WDR93: variants seen among roughly 807,000 people sequenced by gnomAD.
WDR93 encodes WD repeat-containing protein 93.
A neutral mutation model predicts 82.9 loss-of-function variants in WDR93; 73 were observed. The observed-to-expected ratio is 0.88, with a 90% CI of 0.73 to 1.07. WDR93 has a LOEUF of 1.07. WDR93 is among the 50% of genes least tolerant of loss of function. The pLI, the probability that WDR93 is intolerant of heterozygous loss-of-function variation, is 0.00. For synonymous variants in WDR93, 283 were observed against 300.1 expected, an observed-to-expected ratio of 0.94 and a Z score of 0.59; for missense variants, 738 against 826.0, an observed-to-expected ratio of 0.89 and a Z score of 1.31.
chr15:89,717,609 T>C (rs1480461193), intron 7 of WDR93, among the ~76,000 whole-genome samples: 2 of 152,232 alleles, frequency 1.3e-5, no homozygotes, highest in Non-Finnish European at 2.9e-5. Context: ...AATGTGTTCA[T>C]ATGGTTATAT....
chr15:89,703,892 G>A (rs977892927), intron 3 of WDR93: 2 of 152,308 alleles, frequency 1.3e-5, no homozygotes, highest in African/African-American at 4.8e-5. Flanking sequence ...CTTTCTGCAG[G>A]AGAGTGACCT....
chr15:89,721,999 TTATTC>T, intron 7 of WDR93, 51 bp from the exon 8 acceptor site: 1 of 1,180,508 alleles, frequency 8.5e-7, no homozygotes. Flanking sequence ...GTATTTTTAA[TTATTC>T]TATTTCCTCT....
intron 8 of WDR93, among the ~76,000 whole-genome samples, chr15:89,725,546 C>CTTTTTT (rs35770679): frequency 6.9e-6 from 1 of 144,960 alleles, no homozygotes; most frequent in Non-Finnish European, 1.5e-5. Context: ...TGTTCTATTT[C>CTTTTTT]TTTTTTTTTT....
chr15:89,731,567 G>A lies in WDR93; in HGVS notation c.1330+5G>A. 6.2e-7 allele frequency: 1 copy of A among 1,614,060 alleles called. No homozygotes were observed. The highest frequency in any genetic ancestry group is 8.5e-7 in the Non-Finnish European group (1 of 1,179,996). ...CGCTGTGGGACCTGGCCAAAGGTAAGTCCTCCCTGCCTCTCTACCTAGTAC... is the reference window on the plus strand; with the variant it reads ...CGCTGTGGGACCTGGCCAAAGGTAAATCCTCCCTGCCTCTCTACCTAGTAC... On this transcript the variant is annotated splice_donor_5th_base_variant and intron_variant, in intron 12 of 16. Transcript: ENST00000268130.
intron 8 of WDR93, among the ~76,000 whole-genome samples, chr15:89,725,243 T>C (rs1966687020): frequency 1.3e-5 from 2 of 152,178 alleles, no homozygotes; most frequent in Admixed American, 6.5e-5. Flanking sequence ...TGGGATACTA[T>C]ACAGCAATGA....
intron 8 of WDR93, among the ~76,000 whole-genome samples, chr15:89,726,574 T>A (rs8030916): frequency 0.42 from 64,184 of 152,046 alleles, 14,078 homozygotes; most frequent in African/African-American, 0.49. Flanking sequence ...TCCAGAAAAC[T>A]AGTCATCCAG....
chr15:89,702,993 T>C lies in WDR93; in HGVS notation c.347T>C (p.Val116Ala), dbSNP rs997897728. Residue 116 changes from valine to alanine, a missense_variant, in exon 3 of 17, where the codon GTG becomes GCG. Val to Ala is a moderately conservative substitution (Grantham distance 64). Coordinates refer to ENST00000268130, the MANE Select transcript of WDR93 (RefSeq NM_020212.2). ...PNCMAVSQDY[V>A]FIGGAKGFSI... ...TGTATGGCTGTTTCCCAAGACTATG[T>C]GTTTATTGGAGGAGCCAAAGGATTC... 2 of 1,614,064 alleles carry C rather than the reference T, an allele frequency of 1.2e-6. No individual in the cohort carries two copies. Among genetic ancestry groups the C allele is most frequent in the African/African-American group, 2.7e-5 (2 of 74,932 alleles).
intron 16 of WDR93, among the ~76,000 whole-genome samples, chr15:89,739,142 G>A (rs1967455375): frequency 6.6e-6 from 1 of 151,636 alleles, no homozygotes; most frequent in Non-Finnish European, 1.5e-5. Context: ...AGTATGTTTG[G>A]ATTATTAGAC....
intron 13 of WDR93, 118 bp downstream of exon 13, chr15:89,733,337 C>A: frequency 3.2e-6 from 3 of 934,736 alleles, no homozygotes; most frequent in Non-Finnish European, 4.7e-6. Flanking sequence ...AGTCATCACT[C>A]TCCTGGTGAG....
upstream of WDR93, chr15:89,690,538 G>C: frequency 6.6e-7 from 1 of 1,505,712 alleles, no homozygotes; most frequent in Non-Finnish European, 9.0e-7. Context: ...AGCCGAGTTA[G>C]GGCGAGAAAG....
chr15:89,703,379 C>T (rs564984350), intron 3 of WDR93: 107 of 553,716 alleles, frequency 1.9e-4, no homozygotes, highest in African/African-American at 1.9e-3. Flanking sequence ...TTTTTTATTC[C>T]TGTTCAGAAG....
chr15:89,696,554 G>A (rs1384661398), intron 1 of WDR93, among the ~76,000 whole-genome samples: 1 of 152,076 alleles, frequency 6.6e-6, no homozygotes, highest in Non-Finnish European at 1.5e-5. Flanking sequence ...GAGTACAGTG[G>A]TGTGATCATG....
At position 89,702,017 on chromosome 15, in the gene WDR93, C is replaced by T. The variant is rs753251726; in HGVS notation, c.271C>T (p.Pro91Ser). ...GGAAGCTGAGAGCAGCCAGATCCAG[C>T]CCACCGTCTACCCTCCACTTGGAGA... ...LREAESSQIQ[P>S]TVYPPLGEIQ... is the part of the protein sequence containing the mutation. The change falls in exon 2 of 17, where the codon CCC becomes TCC. Residue 91 changes from proline to serine, a missense_variant. Coordinates refer to ENST00000268130, the MANE Select transcript of WDR93 (RefSeq NM_020212.2). 6.2e-7 allele frequency: 1 copy of T among 1,612,088 alleles called. No homozygotes were observed. Among genetic ancestry groups the T allele is most frequent in the East Asian group, 2.2e-5 (1 of 44,836 alleles).
At chr15:89,742,417 C>T (rs1010834466) in intron 16 of WDR93, among the ~76,000 whole-genome samples, 12 of 148,538 alleles carry the variant, frequency 8.1e-5, no homozygotes, top group Non-Finnish European at 1.5e-4. Flanking sequence ...CACTGACAGC[C>T]CCCCCTCCAC....
At chr15:89,738,288 T>C (rs750394962) in intron 16 of WDR93, 52 bp downstream of exon 16, 24 of 1,515,148 alleles carry the variant, frequency 1.6e-5, no homozygotes, top group Non-Finnish European at 2.1e-5. Context: ...TGTCTCTGGA[T>C]TGAGGGATAG....
At chr15:89,704,488 A>G (rs1378590297) in intron 3 of WDR93, 1 of 152,250 alleles carries the variant, frequency 6.6e-6, no homozygotes, top group Non-Finnish European at 1.5e-5. Flanking sequence ...AGGAATGTTT[A>G]ATGGAAAAAC....
At chr15:89,716,324 T>G (rs1004135442) in intron 6 of WDR93, among the ~76,000 whole-genome samples, 3 of 152,226 alleles carry the variant, frequency 2.0e-5, no homozygotes, top group East Asian at 3.8e-4. Context: ...GATAATAAAT[T>G]TCTAGATTGT....
upstream of WDR93, chr15:89,690,518 T>C (rs969206047): frequency 1.8e-5 from 23 of 1,307,066 alleles, no homozygotes; most frequent in African/African-American, 2.9e-5. Flanking sequence ...TGCAGGGGAA[T>C]AGGCACGGGA....
chr15:89,738,051 A>G lies in WDR93; in HGVS notation c.1776A>G (p.Ser592=). ...CTTGTCTCGTCACAGGAGACTATTC[A>G]CATGAAACTGCGTCCACCGACGATG... is the stretch of plus-strand genomic sequence containing the variant. ...HPCFLLRGDY[S]HETASTDDAG... is the part of the protein sequence containing the mutation. The change falls in exon 16 of 17, where the codon TCA becomes TCG. Residue 592 remains serine (S), a synonymous_variant. Transcript: ENST00000268130. 6.2e-7 allele frequency: 1 copy of G among 1,610,324 alleles called. No individual in the cohort carries two copies. Among genetic ancestry groups the G allele is most frequent in the East Asian group, 2.2e-5 (1 of 44,860 alleles).
Sources: gnomAD v4.1 joint callset for allele counts (sites outside exome capture counted in the v4.1 genomes callset) on GRCh38, gnomAD v4.1.1 for gene constraint, MANE v1.5 for transcripts, NCBI Gene and HGNC (gene_info 2026-07-23, HGNC 2026-07-21) for gene names.